Variants in TXLNB observed in about 807,000 individuals in gnomAD.
TXLNB encodes the protein beta-taxilin.
Under a neutral mutation model 57.4 loss-of-function variants are expected in TXLNB, and 37 were observed. That is an observed-to-expected ratio of 0.64 (90% CI 0.50 to 0.85). TXLNB has a LOEUF of 0.85. Among genes scored for constraint, TXLNB ranks in the 40% least tolerant of loss-of-function variants. The pLI is 0.00. For synonymous variants in TXLNB, 302 were observed against 309.6 expected (o/e 0.98, Z 0.26); for missense variants, 848 against 825.6 (o/e 1.03, Z -0.33).
chr6:139,243,050 G>T lies in TXLNB; in HGVS notation c.1531C>A (p.His511Asn), dbSNP rs750365472. 7 of 1,614,150 alleles carry T rather than the reference G, an allele frequency of 4.3e-6. No homozygotes were observed. In the East Asian group the frequency reaches 1.6e-4, roughly 36 times the overall value. The change falls in exon 10 of 10, where the codon CAT (histidine) becomes AAT (asparagine). Residue 511 changes from histidine (H) to asparagine (N), a missense_variant. Physicochemically the swap from His to Asn is moderately conservative, Grantham distance 68. Transcript: ENST00000358430. ...TGGTGCGGGGTTGACTCTGGATGAT[G>T]AATTATCATGAAGGCTGTGGCCAGA... Reference protein sequence around the residue: ...KNLATAFMIIHHPESTPHQSK... With the variant: ...KNLATAFMIINHPESTPHQSK...
chr6:139,254,953 G>A (rs1776297860), intron 7 of TXLNB, among the ~76,000 whole-genome samples: 1 of 152,048 alleles, frequency 6.6e-6, no homozygotes, highest in Non-Finnish European at 1.5e-5. Context: ...TGGGTAGCTG[G>A]GATTACAGGC....
chr6:139,254,247 T>C (rs929448955), intron 7 of TXLNB, among the ~76,000 whole-genome samples: 1 of 152,232 alleles, frequency 6.6e-6, no homozygotes, highest in Non-Finnish European at 1.5e-5. Flanking sequence ...TGTATTTTTG[T>C]CTGTGCAGTA....
the TXLNB span, among the ~76,000 whole-genome samples, chr6:139,192,565 TACTC>T: frequency 5.3e-5 from 8 of 152,206 alleles, no homozygotes; most frequent in Admixed American, 2.0e-4. Context: ...ACATAGGAGA[TACTC>T]AAGAAATAGT....
chr6:139,178,256 A>G, the TXLNB span: 3 of 152,248 alleles, frequency 2.0e-5, no homozygotes, highest in Non-Finnish European at 4.4e-5. Flanking sequence ...GATCATATAT[A>G]TAGAACTTGA....
the TXLNB span, among the ~76,000 whole-genome samples, chr6:139,196,371 T>G: frequency 7.3e-6 from 1 of 136,712 alleles, no homozygotes; most frequent in Non-Finnish European, 1.6e-5. Flanking sequence ...TCTGGTTTTT[T>G]TTTTTTTTTT....
chr6:139,238,740 G>T (rs1311790175), downstream of TXLNB, among the ~76,000 whole-genome samples: 1 of 152,186 alleles, frequency 6.6e-6, no homozygotes, highest in East Asian at 1.9e-4. Flanking sequence ...GAACCCTTAT[G>T]CCTCACTCGC....
the TXLNB span, among the ~76,000 whole-genome samples, chr6:139,230,180 G>A: frequency 1.3e-5 from 2 of 152,118 alleles, no homozygotes. Flanking sequence ...TCTAATAATG[G>A]GCAAGGGAGA....
chr6:139,228,154 C>T, the TXLNB span, among the ~76,000 whole-genome samples: 2 of 152,214 alleles, frequency 1.3e-5, no homozygotes, highest in Non-Finnish European at 2.9e-5. Flanking sequence ...CTTCTCATCT[C>T]TGCTACTCAT....
the TXLNB span, among the ~76,000 whole-genome samples, chr6:139,313,095 T>C: frequency 4.6e-5 from 7 of 151,634 alleles, no homozygotes; most frequent in Admixed American, 3.3e-4. Context: ...TTTTTTGAGA[T>C]GGAGTCTCGC....
At chr6:139,166,477 C>T in the TXLNB span, 27 of 1,614,134 alleles carry the variant, frequency 1.7e-5, no homozygotes, top group East Asian at 3.6e-4. Context: ...GCAGCTGGAA[C>T]GAGAAGCAAT....
intron 2 of TXLNB, among the ~76,000 whole-genome samples, chr6:139,284,751 T>C (rs1777133608): frequency 6.9e-6 from 1 of 145,554 alleles, no homozygotes; most frequent in Non-Finnish European, 1.5e-5. Flanking sequence ...TCACAAATTT[T>C]GCAATTGATT....
chr6:139,190,113 A>G, the TXLNB span, among the ~76,000 whole-genome samples: 1 of 152,332 alleles, frequency 6.6e-6, no homozygotes, highest in East Asian at 1.9e-4. Context: ...CCTGGATCAT[A>G]AGAACTGCCT....
the TXLNB span, among the ~76,000 whole-genome samples, chr6:139,222,549 G>A: frequency 2.0e-5 from 3 of 152,200 alleles, no homozygotes; most frequent in Admixed American, 1.3e-4. Context: ...GCTCACTTCT[G>A]TAATCCTAGC....
At chr6:139,290,865 C>G (rs1178610096) in intron 1 of TXLNB, among the ~76,000 whole-genome samples, 1 of 152,204 alleles carries the variant, frequency 6.6e-6, no homozygotes, top group Non-Finnish European at 1.5e-5. Context: ...GCACAGCTTC[C>G]TTTTCCTGTT....
At chr6:139,217,864 C>CAAAAAAAAAAAAAA in the TXLNB span, among the ~76,000 whole-genome samples, 2 of 51,930 alleles carry the variant, frequency 3.9e-5, no homozygotes, top group African/African-American at 5.9e-5. Context: ...GCAAGAGTCT[C>CAAAAAAAAAAAAAA]AAAAAAAAAA....
intron 6 of TXLNB, among the ~76,000 whole-genome samples, chr6:139,257,794 T>C (rs1776382355): frequency 6.6e-6 from 1 of 152,206 alleles, no homozygotes; most frequent in Non-Finnish European, 1.5e-5. Context: ...AATCATTACT[T>C]TTAAAAACTG....
chr6:139,321,284 C>G, the TXLNB span, among the ~76,000 whole-genome samples: 1 of 152,014 alleles, frequency 6.6e-6, no homozygotes, highest in Non-Finnish European at 1.5e-5. Flanking sequence ...GAAGGTAGAG[C>G]CTTCATGAAT....
At chr6:139,179,899 C>T in the TXLNB span, 48 of 152,152 alleles carry the variant, frequency 3.2e-4, no homozygotes, top group African/African-American at 1.1e-3. Flanking sequence ...AGTGATTTTT[C>T]GTCTATTCTT....
chr6:139,256,204 T>A (rs1227720191), intron 6 of TXLNB, among the ~76,000 whole-genome samples: 2 of 152,184 alleles, frequency 1.3e-5, no homozygotes, highest in African/African-American at 4.8e-5. Context: ...TCACAAAAAA[T>A]TCAACTTCCC....
Sources: allele counts gnomAD v4.1 joint callset (sites outside exome capture counted in the v4.1 genomes callset), GRCh38; gene constraint gnomAD v4.1.1; transcripts MANE v1.5; gene names NCBI Gene and HGNC (gene_info 2026-07-23, HGNC 2026-07-21).